LRRC28: variants seen among roughly 807,000 people sequenced by gnomAD.
The protein encoded by LRRC28 is leucine rich repeat containing 28, also known as leucine-rich repeat-containing protein 28.
LRRC28 carries 39 observed loss-of-function variants against 45.7 expected under a neutral mutation model. The ratio of observed to expected loss-of-function variants is 0.85; its 90% CI spans 0.66 to 1.12. LRRC28 has a LOEUF of 1.12. Among genes scored for constraint, LRRC28 ranks in the 50% most tolerant of loss-of-function variants. LRRC28 has a pLI of 0.00. For missense variants in LRRC28, 435 were observed against 438.5 expected (o/e 0.99, Z 0.07); for synonymous variants, 206 against 178.8 (o/e 1.15, Z -1.22).
At chr15:99,354,311 A>C (rs1956981605) in intron 7 of LRRC28, among the ~76,000 whole-genome samples, 1 of 152,208 alleles carries the variant, frequency 6.6e-6, no homozygotes, top group Non-Finnish European at 1.5e-5. Flanking sequence ...TGTGCTCAGA[A>C]TTTTAATAGA....
intron 3 of LRRC28, among the ~76,000 whole-genome samples, chr15:99,278,638 T>C (rs1335811417): frequency 6.6e-6 from 1 of 152,272 alleles, no homozygotes; most frequent in African/African-American, 2.4e-5. Flanking sequence ...TGTAGTCTAT[T>C]GTGTTAAGCA....
At chr15:99,330,633 C>A (rs1290157875) in intron 5 of LRRC28, among the ~76,000 whole-genome samples, 2 of 151,996 alleles carry the variant, frequency 1.3e-5, no homozygotes, top group Non-Finnish European at 2.9e-5. Context: ...AAGTGTATTT[C>A]TTATGGATAG....
chr15:99,252,346 A>G (rs940585062), intron 1 of LRRC28, among the ~76,000 whole-genome samples: 2 of 152,142 alleles, frequency 1.3e-5, no homozygotes, highest in Admixed American at 1.3e-4. Context: ...TTAGGATTTC[A>G]TTTGTTTAGA....
rs2152316659 is a variant in LRRC28 at position 99,352,568 on chromosome 15, G to C, written c.695+97G>C. On this transcript the variant is annotated intron_variant, in intron 7 of 9. Coordinates refer to ENST00000301981, the MANE Select transcript of LRRC28 (RefSeq NM_144598.5). ...TTGCCCTTGATGATATGCTAAACCAGGTATCCTTAGAAACTAAGGATATTG... is the reference window on the plus strand; with the variant it reads ...TTGCCCTTGATGATATGCTAAACCACGTATCCTTAGAAACTAAGGATATTG... The C allele has an allele frequency of 8.8e-6, 8 of 909,444 alleles. 1 individual carries two copies. In the South Asian group the frequency reaches 1.3e-4, roughly 15 times the overall value. 56.3% of individuals were successfully genotyped at this position (909,444 alleles called of 1,614,324 possible).
intron 6 of LRRC28, among the ~76,000 whole-genome samples, chr15:99,349,996 C>T (rs1247772035): frequency 4.6e-5 from 7 of 151,328 alleles, no homozygotes; most frequent in Non-Finnish European, 8.8e-5. Flanking sequence ...ATTAGCCGGG[C>T]GCGGTGGCGG....
At chr15:99,353,648 C>T (rs980030538) in intron 7 of LRRC28, 5 of 152,172 alleles carry the variant, frequency 3.3e-5, no homozygotes, top group African/African-American at 1.2e-4. Context: ...TTAATATAGC[C>T]TAATTCTTCC....
At chr15:99,364,808 A>G (rs1019774285) in intron 9 of LRRC28, among the ~76,000 whole-genome samples, 2 of 152,194 alleles carry the variant, frequency 1.3e-5, no homozygotes, top group Admixed American at 1.3e-4. Context: ...CTGGCAAGTA[A>G]TAAAAAGCAA....
intron 7 of LRRC28, chr15:99,353,796 A>C (rs2152317890): frequency 6.6e-6 from 1 of 152,316 alleles, no homozygotes; most frequent in Non-Finnish European, 1.5e-5. Flanking sequence ...GCCACAATTA[A>C]GGAGTAGCTT....
intron 5 of LRRC28, among the ~76,000 whole-genome samples, chr15:99,319,984 T>C (rs1955738171): frequency 6.6e-6 from 1 of 151,954 alleles, no homozygotes; most frequent in Non-Finnish European, 1.5e-5. Flanking sequence ...TTTTGTACTT[T>C]TTAGTAGAGA....
At chr15:99,261,836 T>G (rs2081207165) in intron 2 of LRRC28, among the ~76,000 whole-genome samples, 1 of 151,960 alleles carries the variant, frequency 6.6e-6, no homozygotes, top group Non-Finnish European at 1.5e-5. Context: ...TTTGTATTTT[T>G]AGTAGAGATG....
At chr15:99,260,382 A>G (rs2081161007) in intron 2 of LRRC28, among the ~76,000 whole-genome samples, 1 of 152,200 alleles carries the variant, frequency 6.6e-6, no homozygotes, top group Admixed American at 6.5e-5. Flanking sequence ...GTTCTTTATA[A>G]TAGCTTATGG....
At chr15:99,285,734 T>G (rs1386841032) in intron 3 of LRRC28, 4 of 558,304 alleles carry the variant, frequency 7.2e-6, no homozygotes, top group South Asian at 6.9e-5. Flanking sequence ...TTAGTTCATA[T>G]TTTGATTTGG....
intron 2 of LRRC28, among the ~76,000 whole-genome samples, chr15:99,268,130 C>T (rs1474073153): frequency 6.6e-6 from 1 of 152,176 alleles, no homozygotes; most frequent in African/African-American, 2.4e-5. Flanking sequence ...TCTTCCTAGC[C>T]TAGCACCACC....
intron 5 of LRRC28, among the ~76,000 whole-genome samples, chr15:99,292,990 C>G (rs1383211217): frequency 6.6e-6 from 1 of 152,196 alleles, no homozygotes; most frequent in Non-Finnish European, 1.5e-5. Flanking sequence ...TCCCAACTGA[C>G]TTTCACCATT....
intron 5 of LRRC28, among the ~76,000 whole-genome samples, chr15:99,299,287 T>A (rs2082339461): frequency 6.6e-6 from 1 of 152,224 alleles, no homozygotes; most frequent in African/African-American, 2.4e-5. Context: ...TTTCAATATA[T>A]TTAAATGATT....
At chr15:99,259,887 A>G (rs563286860) in intron 2 of LRRC28, 2 of 753,182 alleles carry the variant, frequency 2.7e-6, no homozygotes, top group East Asian at 4.9e-5. Flanking sequence ...GCAAAGGTGG[A>G]AGAACCCGAC....
chr15:99,355,935 G>A (rs909033099), intron 7 of LRRC28, among the ~76,000 whole-genome samples: 2 of 152,064 alleles, frequency 1.3e-5, no homozygotes, highest in African/African-American at 4.8e-5. Flanking sequence ...TTTTATGTAG[G>A]GGCTGCCTGC....
At chr15:99,302,017 C>T (rs1040064785) in intron 5 of LRRC28, among the ~76,000 whole-genome samples, 7 of 148,496 alleles carry the variant, frequency 4.7e-5, no homozygotes, top group Non-Finnish European at 8.9e-5. Context: ...TTGTTCTTGG[C>T]GTGAGTTAAT....
At chr15:99,313,094 A>G (rs1955472224) in intron 5 of LRRC28, among the ~76,000 whole-genome samples, 1 of 152,192 alleles carries the variant, frequency 6.6e-6, no homozygotes, top group Admixed American at 6.5e-5. Flanking sequence ...AAGAAGGAAA[A>G]AGATATACCT....
Sources: gnomAD v4.1 joint callset for allele counts (sites outside exome capture counted in the v4.1 genomes callset) on GRCh38, gnomAD v4.1.1 for gene constraint, MANE v1.5 for transcripts, NCBI Gene and HGNC (gene_info 2026-07-23, HGNC 2026-07-21) for gene names.